RAP1GAP2: variants seen among roughly 807,000 people sequenced by gnomAD.
RAP1GAP2 encodes the protein RAP1 GTPase activating protein 2.
RAP1GAP2 carries 27 observed loss-of-function variants against 95.0 expected under a neutral mutation model. The observed-to-expected ratio is 0.28, with a 90% confidence interval of 0.21 to 0.39. The LOEUF (loss-of-function observed/expected upper bound fraction) is 0.39. Ranked by LOEUF, RAP1GAP2 falls within the 10% of genes least tolerant of loss-of-function variation. RAP1GAP2 has a pLI of 1.00. For missense variants in RAP1GAP2, 771 were observed against 970.0 expected (o/e 0.79, Z 2.72); for synonymous variants, 373 against 380.9 (o/e 0.98, Z 0.24).
At chr17:2,997,672 C>T (rs1337873243) in intron 13 of RAP1GAP2, among the ~76,000 whole-genome samples, 4 of 151,958 alleles carry the variant, frequency 2.6e-5, no homozygotes, top group African/African-American at 9.7e-5. Flanking sequence ...GTGGCTTATG[C>T]CTATCATCCC....
chr17:2,819,328 T>G (rs59498879), intron 2 of RAP1GAP2, among the ~76,000 whole-genome samples: 4,440 of 150,860 alleles, frequency 0.029, 230 homozygotes, highest in African/African-American at 0.1. Flanking sequence ...CTTTTTTTTT[T>G]TTTTTCTTTT....
chr17:2,909,381 A>C (rs1285848691), intron 3 of RAP1GAP2, among the ~76,000 whole-genome samples: 1 of 152,082 alleles, frequency 6.6e-6, no homozygotes, highest in Admixed American at 6.6e-5. Context: ...TGGGGCGGAC[A>C]GCAGATGGCC....
intron 2 of RAP1GAP2, among the ~76,000 whole-genome samples, chr17:2,847,658 G>A (rs2071646166): frequency 6.6e-6 from 1 of 152,116 alleles, no homozygotes; most frequent in African/African-American, 2.4e-5. Context: ...CTTCCCTCCC[G>A]GCTTTTCCAC....
chr17:2,800,905 G>A (rs182986431), intron 2 of RAP1GAP2, among the ~76,000 whole-genome samples: 258 of 146,504 alleles, frequency 1.8e-3, no homozygotes, highest in East Asian at 4.5e-3. Flanking sequence ...GCTGGAGTGC[G>A]GTGGCATGAT....
At chr17:2,791,324 G>A (rs2068919489) in intron 1 of RAP1GAP2, among the ~76,000 whole-genome samples, 1 of 152,146 alleles carries the variant, frequency 6.6e-6, no homozygotes, top group Non-Finnish European at 1.5e-5. Context: ...TACAGCCCTT[G>A]TGAACTGTGA....
intron 3 of RAP1GAP2, among the ~76,000 whole-genome samples, chr17:2,944,515 C>G (rs2043635735): frequency 1.3e-5 from 2 of 152,270 alleles, no homozygotes; most frequent in African/African-American, 4.8e-5. Flanking sequence ...ATTGCCAGGA[C>G]CACACGGTTT....
At chr17:2,901,126 G>A (rs1014173618) in intron 2 of RAP1GAP2, among the ~76,000 whole-genome samples, 6 of 152,160 alleles carry the variant, frequency 3.9e-5, no homozygotes, top group African/African-American at 7.2e-5. Context: ...TTTGGCCAAC[G>A]CTGGCTAGGA....
chr17:3,018,243 G>T, intron 18 of RAP1GAP2, 45 bp downstream of exon 18: 1 of 1,522,030 alleles, frequency 6.6e-7, no homozygotes, highest in Non-Finnish European at 8.8e-7. Flanking sequence ...TCCCAGGGAG[G>T]CCCCCCCCAG....
chr17:2,774,009 C>T (rs532288277), upstream of RAP1GAP2, among the ~76,000 whole-genome samples: 47 of 152,186 alleles, frequency 3.1e-4, no homozygotes, highest in South Asian at 8.3e-3. Flanking sequence ...CTGCCTGCCT[C>T]GGCCTCCCAA....
intron 2 of RAP1GAP2, among the ~76,000 whole-genome samples, chr17:2,861,979 G>C (rs771745325): frequency 3.9e-5 from 6 of 152,144 alleles, no homozygotes; most frequent in Non-Finnish European, 8.8e-5. Flanking sequence ...TTAATACTCA[G>C]CGCCCTTTCT....
Position 2,895,020 on chromosome 17 carries a change from A to G in RAP1GAP2, c.81-10264A>G, listed in dbSNP as rs533123180. On this transcript the variant is annotated intron_variant, in intron 2 of 24. Coordinates refer to ENST00000254695, the MANE Select transcript of RAP1GAP2 (RefSeq NM_015085.5). ...GGTTCAGCATGCGGCACCTTTTCCC[A>G]GCGTCCGCACAGCGCCGGCACTGTT... Among the ~76,000 whole-genome samples the G allele has an allele frequency of 2.6e-5, 4 of 152,062 alleles. No individual in the cohort carries two copies. The South Asian group carries it at 6.2e-4, about 24-fold the overall frequency.
intron 2 of RAP1GAP2, among the ~76,000 whole-genome samples, chr17:2,840,322 C>T (rs572630115): frequency 1.7e-3 from 251 of 151,930 alleles, no homozygotes; most frequent in Non-Finnish European, 2.8e-3. Context: ...CACCACAACA[C>T]CCAGCTAATT....
At chr17:2,992,807 G>A (rs1053177518) in intron 12 of RAP1GAP2, among the ~76,000 whole-genome samples, 6 of 152,078 alleles carry the variant, frequency 3.9e-5, no homozygotes, top group African/African-American at 1.4e-4. Flanking sequence ...CATCACGGCT[G>A]TCTGGGGTCA....
chr17:2,956,135 T>C (rs1304422319), intron 3 of RAP1GAP2, among the ~76,000 whole-genome samples: 1 of 152,218 alleles, frequency 6.6e-6, no homozygotes, highest in African/African-American at 2.4e-5. Flanking sequence ...CTGGAGATGG[T>C]AAGAATGCCC....
intron 2 of RAP1GAP2, among the ~76,000 whole-genome samples, chr17:2,854,899 G>C (rs566445945): frequency 7.9e-5 from 12 of 152,342 alleles, no homozygotes; most frequent in Admixed American, 5.2e-4. Context: ...GAGTGCGGAA[G>C]CTGACTGCCC....
intron 2 of RAP1GAP2, among the ~76,000 whole-genome samples, chr17:2,865,510 T>A (rs1199427579): frequency 6.6e-6 from 1 of 152,152 alleles, no homozygotes; most frequent in African/African-American, 2.4e-5. Flanking sequence ...AACTGGAAGG[T>A]CCCGGCTGCA....
At chr17:2,969,163 T>TTATCTATCTATCTATCTATCTATC (rs756995427) in intron 8 of RAP1GAP2, among the ~76,000 whole-genome samples, 1,704 of 146,628 alleles carry the variant, frequency 0.012, 21 homozygotes, top group East Asian at 0.033. Context: ...ATATTTTTCT[T>TTATCTATCTATCTATCTATCTATC]TATCTATCTA....
intron 2 of RAP1GAP2, among the ~76,000 whole-genome samples, chr17:2,883,995 C>T (rs191121713): frequency 2.6e-5 from 4 of 152,340 alleles, no homozygotes; most frequent in African/African-American, 7.2e-5. Flanking sequence ...ACTGTGGGCT[C>T]CTGTCAGCCT....
chr17:2,815,745 G>A (rs989516601), intron 2 of RAP1GAP2, among the ~76,000 whole-genome samples: 7 of 152,080 alleles, frequency 4.6e-5, no homozygotes, highest in African/African-American at 1.7e-4. Flanking sequence ...GCCTCCCAAA[G>A]TGCTGGGATT....
Sources: allele counts gnomAD v4.1 joint callset (sites outside exome capture counted in the v4.1 genomes callset), GRCh38; gene constraint gnomAD v4.1.1; transcripts MANE v1.5; gene names NCBI Gene and HGNC (gene_info 2026-07-23, HGNC 2026-07-21).